RBM46: variants seen among roughly 807,000 people sequenced by gnomAD.
RBM46 encodes RNA binding motif protein 46.
Under a neutral mutation model 43.3 loss-of-function variants are expected in RBM46, and 12 were observed. The observed-to-expected ratio is 0.28, with a 90% CI of 0.18 to 0.45. The LOEUF (loss-of-function observed/expected upper bound fraction) is 0.45. Ranked by LOEUF, RBM46 falls within the 20% of genes least tolerant of loss-of-function variation. RBM46 has a pLI of 1.00. For synonymous variants in RBM46, 205 were observed against 207.6 expected (o/e 0.99, Z 0.11); for missense variants, 412 against 639.1 (o/e 0.64, Z 3.83).
chr4:154,817,034 T>A (rs1735477747), intron 4 of RBM46, among the ~76,000 whole-genome samples: 1 of 152,170 alleles, frequency 6.6e-6, no homozygotes, highest in Non-Finnish European at 1.5e-5. Flanking sequence ...CATGGTACAT[T>A]ATACATTATA....
intron 4 of RBM46, among the ~76,000 whole-genome samples, chr4:154,800,982 ATTTT>A (rs199743891): frequency 7.0e-6 from 1 of 143,430 alleles, no homozygotes. Context: ...AGTATTAGAA[ATTTT>A]TTTTTTTTTT....
At chr4:154,782,763 G>C (rs1385442288) in intron 1 of RBM46, among the ~76,000 whole-genome samples, 1 of 152,196 alleles carries the variant, frequency 6.6e-6, no homozygotes, top group Non-Finnish European at 1.5e-5. Flanking sequence ...TTACAGGCGT[G>C]AGCCATCGCC....
intron 4 of RBM46, among the ~76,000 whole-genome samples, chr4:154,801,070 C>T (rs1172685630): frequency 2.6e-5 from 4 of 151,534 alleles, no homozygotes; most frequent in Non-Finnish European, 4.4e-5. Context: ...AACCTGTCTC[C>T]TGGATTCAAG....
At chr4:154,809,483 G>A (rs1464712522) in intron 4 of RBM46, among the ~76,000 whole-genome samples, 1 of 151,998 alleles carries the variant, frequency 6.6e-6, no homozygotes, top group Non-Finnish European at 1.5e-5. Flanking sequence ...CAACTCCCAA[G>A]TATTTAGATA....
At chr4:154,804,351 C>T (rs1249346928) in intron 4 of RBM46, among the ~76,000 whole-genome samples, 4 of 152,160 alleles carry the variant, frequency 2.6e-5, no homozygotes, top group Non-Finnish European at 5.9e-5. Context: ...TTCACAATCT[C>T]GTTATCTGTT....
chr4:154,792,177 C>A (rs1734127515), intron 1 of RBM46, among the ~76,000 whole-genome samples: 1 of 152,120 alleles, frequency 6.6e-6, no homozygotes, highest in African/African-American at 2.4e-5. Flanking sequence ...AATTTAATAG[C>A]ACTATTACTT....
intron 4 of RBM46, among the ~76,000 whole-genome samples, chr4:154,802,447 C>T (rs1202456911): frequency 6.6e-6 from 1 of 152,144 alleles, no homozygotes; most frequent in Admixed American, 6.5e-5. Flanking sequence ...CACTTTTTCC[C>T]TTCTGTTAAT....
intron 1 of RBM46, among the ~76,000 whole-genome samples, chr4:154,788,516 T>G (rs1033323015): frequency 6.6e-6 from 1 of 152,216 alleles, no homozygotes; most frequent in African/African-American, 2.4e-5. Flanking sequence ...GTATTATTTC[T>G]GAGGGCTCTG....
chr4:154,821,423 C>T (rs1172847776), intron 4 of RBM46, among the ~76,000 whole-genome samples: 1 of 151,578 alleles, frequency 6.6e-6, no homozygotes, highest in Non-Finnish European at 1.5e-5. Flanking sequence ...CTGAAGCCTA[C>T]CTGGATTGCT....
At chr4:154,788,590 C>A (rs973027766) in intron 1 of RBM46, among the ~76,000 whole-genome samples, 3 of 151,744 alleles carry the variant, frequency 2.0e-5, no homozygotes, top group Non-Finnish European at 4.4e-5. Flanking sequence ...GTTACTGTGG[C>A]CTTATATAGT....
intron 4 of RBM46, among the ~76,000 whole-genome samples, chr4:154,801,136 G>T (rs1734617468): frequency 6.6e-6 from 1 of 151,954 alleles, no homozygotes; most frequent in African/African-American, 2.4e-5. Context: ...CCACCACCGT[G>T]CCCGGCTAAT....
At chr4:154,793,062 A>G (rs1287515410) in intron 1 of RBM46, among the ~76,000 whole-genome samples, 3 of 152,218 alleles carry the variant, frequency 2.0e-5, no homozygotes, top group Non-Finnish European at 4.4e-5. Context: ...TTATATTCCT[A>G]CACAGCCATC....
At chr4:154,827,353 AG>A in intron 4 of RBM46, 5 of 976,630 alleles carry the variant, frequency 5.1e-6, no homozygotes, top group Non-Finnish European at 6.1e-6. Context: ...GAGTTAGATA[AG>A]TGTTTATATT....
intron 4 of RBM46, among the ~76,000 whole-genome samples, chr4:154,815,338 A>G (rs1252217590): frequency 6.6e-6 from 1 of 152,040 alleles, no homozygotes; most frequent in African/African-American, 2.4e-5. Flanking sequence ...TTGAATATAT[A>G]GGAGTGAAAG....
At chr4:154,792,471 G>C (rs551921652) in intron 1 of RBM46, among the ~76,000 whole-genome samples, 1 of 152,150 alleles carries the variant, frequency 6.6e-6, no homozygotes, top group Non-Finnish European at 1.5e-5. Flanking sequence ...CTCCTTCCGT[G>C]TCTCATTCAT....
rs1735122804 is a variant in RBM46 at position 154,810,500 on chromosome 4, G to A, written c.1402+10936G>A. Among the ~76,000 whole-genome samples the A allele has an allele frequency of 3.3e-5, 5 of 152,074 alleles. No individual in the cohort carries two copies. The South Asian group carries it at 1.0e-3, about 31-fold the overall frequency. On this transcript the variant is annotated intron_variant, in intron 4 of 4. Coordinates refer to ENST00000281722, the MANE Select transcript of RBM46 (RefSeq NM_144979.5). ...GGAAATGTGATTGCAGTTTTCAAAT[G>A]TTTGAAGTGCTCGCACGTGGAAAAA...
At chr4:154,814,487 A>G (rs949866723) in intron 4 of RBM46, among the ~76,000 whole-genome samples, 4 of 152,144 alleles carry the variant, frequency 2.6e-5, no homozygotes, top group African/African-American at 9.6e-5. Context: ...TGTTGTGAGA[A>G]TGATCACCAT....
chr4:154,826,881 TTA>T (rs1183866002), intron 4 of RBM46: 47 of 1,483,418 alleles, frequency 3.2e-5, no homozygotes, highest in Non-Finnish European at 3.7e-5. Flanking sequence ...TAGGCATCAT[TTA>T]TAGTACCAGG....
In RBM46 at chr4:154,785,961, A is replaced by G. The variant is rs964754759; in HGVS notation, c.-12+4525A>G. ...CAGTGATGGTTTAATGGCAAAACCT[A>G]GAGTCAAACAGTGTTGAGAAAGGTG... On this transcript the variant is annotated intron_variant, in intron 1 of 4. Transcript: ENST00000281722. Among the ~76,000 whole-genome samples the G allele has an allele frequency of 2.6e-5, 4 of 152,332 alleles. No individual in the cohort carries two copies. The East Asian group carries it at 7.7e-4, about 29-fold the overall frequency.
Sources: allele counts gnomAD v4.1 joint callset (sites outside exome capture counted in the v4.1 genomes callset), GRCh38; gene constraint gnomAD v4.1.1; transcripts MANE v1.5; gene names NCBI Gene and HGNC (gene_info 2026-07-23, HGNC 2026-07-21).